RIN2: variants seen among roughly 807,000 people sequenced by gnomAD.
RIN2 encodes RAB5 interacting protein 2.
In RIN2, 36 loss-of-function variants were observed where a neutral mutation model predicts 78.0. That is an observed-to-expected ratio of 0.46 (90% CI 0.35 to 0.61). The LOEUF (loss-of-function observed/expected upper bound fraction) is 0.61. RIN2 is among the 20% of genes least tolerant of loss of function. The pLI, the probability that RIN2 is intolerant of heterozygous loss-of-function variation, is 0.00. For synonymous variants in RIN2, 466 were observed against 466.8 expected (o/e 1.00, Z 0.02); for missense variants, 1,087 against 1,159.7 (o/e 0.94, Z 0.91).
chr20:19,787,785 A>G lies in RIN2; in HGVS notation c.-162-11837A>G, dbSNP rs376067575. Among the ~76,000 whole-genome samples the G allele has an allele frequency of 3.3e-4, 50 of 152,318 alleles. No homozygotes were observed. The East Asian group carries it at 6.2e-3, about 19-fold the overall frequency. ...TATTTTAAGCTCCAGGTCCAGAGAC[A>G]TAGATCTAGTAAGGGGAGGATAGAC... On this transcript the variant is annotated intron_variant, in intron 1 of 12. Coordinates refer to ENST00000255006, the MANE Select transcript of RIN2 (RefSeq NM_018993.4).
chr20:19,884,952 T>G (rs2038134067), intron 2 of RIN2, among the ~76,000 whole-genome samples: 1 of 152,172 alleles, frequency 6.6e-6, no homozygotes, highest in Non-Finnish European at 1.5e-5. Context: ...TTCAGTCAAT[T>G]TGGCTGTAAA....
intron 3 of RIN2, among the ~76,000 whole-genome samples, chr20:19,910,562 G>T (rs1412585056): frequency 6.9e-6 from 1 of 144,432 alleles, no homozygotes; most frequent in Non-Finnish European, 1.5e-5. Flanking sequence ...TCTGTGAGAG[G>T]AAGTGAACTT....
intron 2 of RIN2, among the ~76,000 whole-genome samples, chr20:19,805,023 AG>A (rs2035361184): frequency 6.6e-6 from 1 of 152,136 alleles, no homozygotes; most frequent in Admixed American, 6.6e-5. Flanking sequence ...TAGTTTATTT[AG>A]GTAGGCACTA....
intron 1 of RIN2, among the ~76,000 whole-genome samples, chr20:19,794,107 T>G (rs2034974597): frequency 1.9e-5 from 1 of 51,752 alleles, no homozygotes; most frequent in African/African-American, 8.9e-5. Context: ...GAAAATAATA[T>G]ACCCAAGATC....
chr20:19,935,471 C>G (rs2040600932), intron 4 of RIN2: 1 of 1,206,114 alleles, frequency 8.3e-7, no homozygotes, highest in South Asian at 3.1e-5. Context: ...TGTGCCATAT[C>G]CACCTACTCC....
chr20:19,955,595 C>T (rs141369196), intron 4 of RIN2, among the ~76,000 whole-genome samples: 36 of 152,270 alleles, frequency 2.4e-4, no homozygotes, highest in African/African-American at 8.2e-4. Flanking sequence ...CCTCAACCTC[C>T]CAAAGTGCTG....
intron 1 of RIN2, among the ~76,000 whole-genome samples, chr20:19,764,148 GAT>G (rs1239825984): frequency 6.6e-6 from 1 of 152,038 alleles, no homozygotes; most frequent in African/African-American, 2.4e-5. Context: ...TTATTTGGTA[GAT>G]CAGGAATTCA....
At chr20:19,808,631 A>C (rs1169610868) in intron 2 of RIN2, among the ~76,000 whole-genome samples, 1 of 152,214 alleles carries the variant, frequency 6.6e-6, no homozygotes, top group Non-Finnish European at 1.5e-5. Flanking sequence ...TTTGTGTCAG[A>C]GACAGAACAC....
intron 9 of RIN2, among the ~76,000 whole-genome samples, chr20:19,988,738 C>T (rs185075717): frequency 6.6e-5 from 10 of 152,334 alleles, no homozygotes; most frequent in African/African-American, 2.4e-4. Context: ...TGTTTCCTAA[C>T]TCGGAACAGA....
chr20:19,785,381 A>G (rs778085109), intron 1 of RIN2, among the ~76,000 whole-genome samples: 2 of 152,138 alleles, frequency 1.3e-5, no homozygotes, highest in Non-Finnish European at 2.9e-5. Flanking sequence ...AAAAAACCCA[A>G]CCTTTAATAA....
At chr20:19,964,131 T>C (rs1446413143) in intron 6 of RIN2, among the ~76,000 whole-genome samples, 1 of 152,130 alleles carries the variant, frequency 6.6e-6, no homozygotes, top group East Asian at 1.9e-4. Flanking sequence ...CACAAAGTGC[T>C]GGGATTACGG....
At chr20:19,923,648 G>C (rs2040024352) in intron 3 of RIN2, among the ~76,000 whole-genome samples, 2 of 151,840 alleles carry the variant, frequency 1.3e-5, no homozygotes, top group Admixed American at 1.3e-4. Flanking sequence ...ATTATCCATT[G>C]TGTTTATTTC....
intron 3 of RIN2, among the ~76,000 whole-genome samples, chr20:19,918,472 C>G (rs423718): frequency 0.56 from 85,555 of 151,748 alleles, 25,313 homozygotes; most frequent in East Asian, 0.96. Context: ...TTGGGAAAGA[C>G]TCAGTGGGCA....
At chr20:19,817,028 C>G (rs13036330) in intron 2 of RIN2, among the ~76,000 whole-genome samples, 27,533 of 124,236 alleles carry the variant, frequency 0.22, 2,588 homozygotes, top group South Asian at 0.29. Flanking sequence ...AATGTGGAGA[C>G]AAGAAGTGTG....
intron 3 of RIN2, among the ~76,000 whole-genome samples, chr20:19,912,581 C>A (rs1048295871): frequency 7.1e-6 from 1 of 141,314 alleles, no homozygotes; most frequent in South Asian, 2.4e-4. Context: ...GGAGTTCAAA[C>A]GATTCCACTG....
At chr20:19,925,228 T>G (rs528977724) in intron 3 of RIN2, among the ~76,000 whole-genome samples, 2 of 152,376 alleles carry the variant, frequency 1.3e-5, no homozygotes, top group South Asian at 4.1e-4. Context: ...ATGTTGTAGT[T>G]GTTCCTTGCT....
chr20:19,866,890 G>A lies in RIN2; in HGVS notation c.-36-22676G>A, dbSNP rs576501551. 1.8e-3 allele frequency among the ~76,000 whole-genome samples: 279 copies of A among 152,256 alleles called. 1 individual carries two copies. Among genetic ancestry groups the A allele is most frequent in the African/African-American group, 6.4e-3 (265 of 41,538 alleles). ...TTCTCCCGCCTTGGCCTCCCAAAGT[G>A]CTGGGATTACAGGAGTGAGCCACCA... On this transcript the variant is annotated intron_variant, in intron 2 of 12. Transcript: ENST00000255006.
chr20:19,870,649 A>G (rs751008679), intron 2 of RIN2, among the ~76,000 whole-genome samples: 42 of 152,204 alleles, frequency 2.8e-4, no homozygotes, highest in South Asian at 4.1e-4. Flanking sequence ...TCTTTCAAAA[A>G]AAAGAAAGAA....
chr20:19,859,739 T>G (rs2037276818), intron 2 of RIN2, among the ~76,000 whole-genome samples: 1 of 152,240 alleles, frequency 6.6e-6, no homozygotes, highest in African/African-American at 2.4e-5. Flanking sequence ...GATGTCCTAC[T>G]GACAGCTCAA....
Sources: gnomAD v4.1 joint callset for allele counts (sites outside exome capture counted in the v4.1 genomes callset) on GRCh38, gnomAD v4.1.1 for gene constraint, MANE v1.5 for transcripts, NCBI Gene and HGNC (gene_info 2026-07-23, HGNC 2026-07-21) for gene names.